Variants in XRN1 observed in about 807,000 individuals in gnomAD.
XRN1 encodes the protein 5'-3' exoribonuclease 1.
XRN1 carries 67 observed loss-of-function variants against 222.3 expected under a neutral mutation model. That is an observed-to-expected ratio of 0.30 (90% confidence interval 0.25 to 0.37). The LOEUF is 0.37. XRN1 is among the 10% of genes least tolerant of loss of function. The pLI is 1.00. For synonymous variants in XRN1, 643 were observed against 652.4 expected, an observed-to-expected ratio of 0.99 and a Z score of 0.22; for missense variants, 1,707 against 2,000.2, an observed-to-expected ratio of 0.85 and a Z score of 2.80.
chr3:142,406,952 A>T (rs145689383), intron 15 of XRN1, among the ~76,000 whole-genome samples: 1 of 152,350 alleles, frequency 6.6e-6, no homozygotes, highest in African/African-American at 2.4e-5. Context: ...ATCTGAAAAG[A>T]TGTCCCTGGT....
intron 32 of XRN1, among the ~76,000 whole-genome samples, chr3:142,352,845 T>C (rs1390279756): frequency 6.6e-6 from 1 of 152,242 alleles, no homozygotes; most frequent in Non-Finnish European, 1.5e-5. Flanking sequence ...GGTTTCACCA[T>C]GTTGGCCAGG....
chr3:142,311,600 ATATAC>A lies in XRN1; in HGVS notation c.4991_4995del (p.Ser1664IlefsTer4). On this transcript the variant is annotated frameshift_variant, in exon 41 of 41. Coordinates refer to ENST00000392981, the MANE Select transcript of XRN1 (RefSeq NM_001282857.2). LOFTEE classifies it high-confidence loss of function. ...GAGATTGGTGTTGACTTATGGTGAG[ATATAC>A]TATGGCCTTGAGAGGCAGTTTCAAC... 1 of 1,614,140 alleles carries A rather than the reference ATATAC, an allele frequency of 6.2e-7. No homozygotes were observed. The highest frequency in any genetic ancestry group is 8.5e-7 in the Non-Finnish European group (1 of 1,180,008).
At position 142,309,737 on chromosome 3, in the gene XRN1, T is replaced by C. The variant is rs2065039509; in HGVS notation, c.*1774A>G. ...ACACAGGAGTAATGAGTGAGGCAAA[T>C]TCTCAATGCTGGAGTTTGTACAGCT... On this transcript the variant is annotated 3_prime_UTR_variant, in exon 41 of 41. Coordinates refer to ENST00000392981, the MANE Select transcript of XRN1 (RefSeq NM_001282857.2). 6.6e-6 allele frequency: 1 copy of C among 152,242 alleles called. No individual in the cohort carries two copies. Among genetic ancestry groups the C allele is most frequent in the Non-Finnish European group, 1.5e-5 (1 of 68,050 alleles). The allele number at this position is 152,242 out of a possible 1,614,324, so 9.4% of individuals were successfully genotyped here. A position where few individuals can be genotyped will look rare whatever the true frequency, so the allele number is the denominator to read the frequency against.
intron 29 of XRN1, among the ~76,000 whole-genome samples, chr3:142,363,617 CTTTGTAAAGTTTACTCT>C (rs1189415206): frequency 2.0e-5 from 3 of 151,524 alleles, no homozygotes; most frequent in Non-Finnish European, 2.9e-5. Context: ...TTTACTCTAG[CTTTGTAAAGTTTACTCT>C]AGCTTTGTAA....
In XRN1 at chr3:142,446,053, G is replaced by A. The variant is rs558310966; in HGVS notation, c.75+1817C>T. Among the ~76,000 whole-genome samples the A allele has an allele frequency of 9.2e-5, 14 of 152,332 alleles. No individual in the cohort carries two copies. The East Asian group carries it at 2.7e-3, about 29-fold the overall frequency. On this transcript the variant is annotated intron_variant, in intron 1 of 40. Transcript: ENST00000392981. ...CACCTAGTTATGTTTTGAGTTTCAT[G>A]GGGATAGCATGTCACATGGTTTGTT...
rs2065045214 is a variant in XRN1 at position 142,310,020 on chromosome 3, T to C, written c.*1491A>G. The C allele has an allele frequency of 6.6e-6, 1 of 152,640 alleles. No homozygotes were observed. The highest frequency in any genetic ancestry group is 2.4e-5 in the African/African-American group (1 of 41,462). 9.5% of individuals were successfully genotyped at this position (152,640 alleles called of 1,614,324 possible). On this transcript the variant is annotated 3_prime_UTR_variant, in exon 41 of 41. Coordinates refer to ENST00000392981, the MANE Select transcript of XRN1 (RefSeq NM_001282857.2). ...CAGAAAATAAAATCATGGAAACTTATACGACTATGATAAATGACAGATAAT... is the reference window on the plus strand; with the variant it reads ...CAGAAAATAAAATCATGGAAACTTACACGACTATGATAAATGACAGATAAT...
intron 23 of XRN1, among the ~76,000 whole-genome samples, chr3:142,379,334 A>T (rs1184572920): frequency 2.0e-5 from 3 of 152,114 alleles, no homozygotes; most frequent in Admixed American, 2.0e-4. Context: ...TCTCTAATCT[A>T]GGATTCTACA....
chr3:142,393,741 A>G (rs1465923546), intron 20 of XRN1, among the ~76,000 whole-genome samples: 1 of 152,202 alleles, frequency 6.6e-6, no homozygotes, highest in Non-Finnish European at 1.5e-5. Context: ...ACTGTCTGAT[A>G]ACTTCCTCTT....
At chr3:142,383,272 T>G (rs374884416) in intron 22 of XRN1, 28 bp downstream of exon 22, 1 of 1,540,742 alleles carries the variant, frequency 6.5e-7, no homozygotes, top group East Asian at 2.3e-5. Context: ...TAGAGAAAAA[T>G]GTATCAGTAA....
chr3:142,350,505 A>C (rs763842330), intron 32 of XRN1, among the ~76,000 whole-genome samples: 1 of 152,072 alleles, frequency 6.6e-6, no homozygotes, highest in Non-Finnish European at 1.5e-5. Context: ...TGAAACGGGG[A>C]ATCAGTGGAG....
At chr3:142,390,028 T>C (rs563237309) in intron 20 of XRN1, among the ~76,000 whole-genome samples, 16 of 152,212 alleles carry the variant, frequency 1.1e-4, no homozygotes, top group Admixed American at 4.6e-4. Flanking sequence ...TCTTTTACTA[T>C]GACCAGTAGG....
intron 10 of XRN1, among the ~76,000 whole-genome samples, chr3:142,420,024 A>T (rs2068945251): frequency 6.6e-6 from 1 of 152,308 alleles, no homozygotes; most frequent in East Asian, 1.9e-4. Context: ...GCACAAAAGT[A>T]ATTGTGGTTT....
chr3:142,311,518 G>A lies in XRN1; in HGVS notation c.5078C>T (p.Ser1693Phe). The A allele has an allele frequency of 6.3e-7, 1 of 1,587,686 alleles. No homozygotes were observed. The highest frequency in any genetic ancestry group is 8.6e-7 in the Non-Finnish European group (1 of 1,165,392). ...LAVNFGVSKP[S>F]E is the part of the protein sequence containing the mutation. ...TAATTCTAAGAGCCAAATTTACTCAGAAGGTTTAGAAACACCAAAATTAAC... is the reference window on the plus strand; with the variant it reads ...TAATTCTAAGAGCCAAATTTACTCAAAAGGTTTAGAAACACCAAAATTAAC... Residue 1693 changes from serine to phenylalanine, a missense_variant, in exon 41 of 41, where the codon TCT becomes TTT. Physicochemically the swap from Ser to Phe is radical, Grantham distance 155. Transcript: ENST00000392981.
chr3:142,323,512 A>G (rs879856054), intron 37 of XRN1, among the ~76,000 whole-genome samples: 3 of 152,170 alleles, frequency 2.0e-5, no homozygotes, highest in Non-Finnish European at 2.9e-5. Flanking sequence ...ATATTAAAGT[A>G]TAGCCAAAAC....
rs144920837 is a variant in XRN1, at chr3:142,421,459, A to T, written c.1035+17T>A. On this transcript the variant is annotated intron_variant, in intron 9 of 40. Coordinates refer to ENST00000392981, the MANE Select transcript of XRN1 (RefSeq NM_001282857.2). ...AGCTACTCTGCGACAGGAAACCAAAAATTTCTAGTTACTTACATCTGATAG... is the reference window on the plus strand; with the variant it reads ...AGCTACTCTGCGACAGGAAACCAAATATTTCTAGTTACTTACATCTGATAG... 3.8e-6 allele frequency: 6 copies of T among 1,593,530 alleles called. No homozygotes were observed. In the African/African-American group the frequency reaches 8.1e-5, roughly 22 times the overall value.
chr3:142,374,113 AG>A (rs1251927556), intron 25 of XRN1, among the ~76,000 whole-genome samples: 1 of 152,244 alleles, frequency 6.6e-6, no homozygotes, highest in Non-Finnish European at 1.5e-5. Context: ...AAGTTTTCTC[AG>A]GAAGCTACTG....
chr3:142,323,757 T>G (rs1685830430), intron 37 of XRN1, among the ~76,000 whole-genome samples: 1 of 152,080 alleles, frequency 6.6e-6, no homozygotes, highest in Non-Finnish European at 1.5e-5. Context: ...GTGGGAGGAC[T>G]GCTTGAAGCC....
intron 37 of XRN1, 151 bp downstream of exon 37, chr3:142,329,283 T>C (rs1021162560): frequency 8.8e-6 from 4 of 453,988 alleles, no homozygotes; most frequent in South Asian, 9.1e-5. Flanking sequence ...TGTATAAATA[T>C]TAGAGCTAGG....
At chr3:142,380,854 C>G (rs1337894645) in intron 22 of XRN1, among the ~76,000 whole-genome samples, 2 of 152,058 alleles carry the variant, frequency 1.3e-5, no homozygotes, top group Non-Finnish European at 2.9e-5. Flanking sequence ...TGCCATGTTG[C>G]CCAGGCTGGT....
Sources: allele counts gnomAD v4.1 joint callset (sites outside exome capture counted in the v4.1 genomes callset), GRCh38; gene constraint gnomAD v4.1.1; transcripts MANE v1.5; gene names NCBI Gene and HGNC (gene_info 2026-07-23, HGNC 2026-07-21).